The following TBC1D19 variants were observed in gnomAD, a reference collection of about 807,000 sequenced individuals.
TBC1D19 encodes TBC1 domain family member 19.
A neutral mutation model predicts 89.0 loss-of-function variants in TBC1D19; 60 were observed. The observed-to-expected ratio is 0.67, with a 90% CI of 0.55 to 0.84. The LOEUF (loss-of-function observed/expected upper bound fraction) is 0.84, where lower values mean the gene tolerates loss of function less well. Among genes scored for constraint, TBC1D19 ranks in the 40% least tolerant of loss-of-function variants. The pLI, the probability that TBC1D19 is intolerant of heterozygous loss-of-function variation, is 0.00. For missense variants in TBC1D19, 500 were observed against 610.8 expected, an observed-to-expected ratio of 0.82 and a Z score of 1.91; for synonymous variants, 189 against 199.7, an observed-to-expected ratio of 0.95 and a Z score of 0.45.
chr4:26,802,911 T>C, the TBC1D19 span, among the ~76,000 whole-genome samples: 3 of 152,210 alleles, frequency 2.0e-5, no homozygotes, highest in Non-Finnish European at 4.4e-5. Flanking sequence ...GAGGCCTCTT[T>C]TCCTGGCTTG....
the TBC1D19 span, among the ~76,000 whole-genome samples, chr4:26,842,592 C>CTTTA: frequency 1.0e-5 from 1 of 99,236 alleles, no homozygotes; most frequent in Non-Finnish European, 2.0e-5. Flanking sequence ...CCCTTTCTTT[C>CTTTA]TTTCTTTCTT....
intron 1 of TBC1D19, among the ~76,000 whole-genome samples, chr4:26,588,106 A>C (rs1739534355): frequency 6.6e-6 from 1 of 150,376 alleles, no homozygotes; most frequent in African/African-American, 2.5e-5. Context: ...GCTCACTGCA[A>C]GCTCCGCCTC....
At chr4:26,801,901 G>C in the TBC1D19 span, among the ~76,000 whole-genome samples, 1 of 152,152 alleles carries the variant, frequency 6.6e-6, no homozygotes, top group African/African-American at 2.4e-5. Context: ...GAAAAAATGA[G>C]AGAGATTGAT....
At chr4:26,604,099 T>C (rs1367598022) in intron 1 of TBC1D19, among the ~76,000 whole-genome samples, 1 of 152,154 alleles carries the variant, frequency 6.6e-6, no homozygotes, top group African/African-American at 2.4e-5. Context: ...CTTAGCCTGA[T>C]ATCATGAACG....
upstream of TBC1D19, among the ~76,000 whole-genome samples, chr4:26,583,258 T>C (rs1390058284): frequency 6.6e-6 from 1 of 152,176 alleles, no homozygotes; most frequent in Non-Finnish European, 1.5e-5. Context: ...ATAATTTAAG[T>C]CAGTTACTTT....
At chr4:26,626,996 G>T (rs947518955) in intron 4 of TBC1D19, among the ~76,000 whole-genome samples, 1 of 151,114 alleles carries the variant, frequency 6.6e-6, no homozygotes, top group Non-Finnish European at 1.5e-5. Flanking sequence ...CCATTAACTC[G>T]TCATTTAGCA....
chr4:26,823,318 G>A, the TBC1D19 span, among the ~76,000 whole-genome samples: 1 of 152,294 alleles, frequency 6.6e-6, no homozygotes, highest in African/African-American at 2.4e-5. Flanking sequence ...GGGCATTCAA[G>A]CTGAGATTTG....
chr4:26,814,685 C>G, the TBC1D19 span, among the ~76,000 whole-genome samples: 2 of 152,200 alleles, frequency 1.3e-5, no homozygotes, highest in Non-Finnish European at 2.9e-5. Flanking sequence ...CCTTCCAAAT[C>G]TTTAGCATTT....
chr4:26,796,402 A>G, the TBC1D19 span, among the ~76,000 whole-genome samples: 7 of 152,222 alleles, frequency 4.6e-5, no homozygotes, highest in Non-Finnish European at 1.0e-4. Context: ...ATCTTAGCAT[A>G]GTTTTCATCT....
the TBC1D19 span, among the ~76,000 whole-genome samples, chr4:26,822,902 C>T: frequency 6.6e-6 from 1 of 152,196 alleles, no homozygotes; most frequent in Non-Finnish European, 1.5e-5. Context: ...CCCACCCTTC[C>T]CCACCTTGAT....
At chr4:26,744,089 G>C (rs1306164022) in intron 18 of TBC1D19, among the ~76,000 whole-genome samples, 2 of 151,448 alleles carry the variant, frequency 1.3e-5, no homozygotes, top group Non-Finnish European at 3.0e-5. Flanking sequence ...AGGACTACTT[G>C]GGTTATCTAT....
chr4:26,577,096 A>G (rs1182206857), intron 1 of TBC1D19, among the ~76,000 whole-genome samples: 5 of 152,218 alleles, frequency 3.3e-5, no homozygotes, highest in Admixed American at 1.3e-4. Flanking sequence ...TCTTCCTTAA[A>G]GCTGGAACAT....
At position 26,721,498 on chromosome 4, in the gene TBC1D19, A is replaced by G. The variant is rs1577984059; in HGVS notation, c.1084+1373A>G. Among the ~76,000 whole-genome samples, 4 of 152,108 alleles carry G rather than the reference A, an allele frequency of 2.6e-5. No homozygotes were observed. In the South Asian group the frequency reaches 6.2e-4, roughly 24 times the overall value. ...GCCTTGTCTCCTTTCAGTTCTTACT[A>G]TCTCTAGCTTGTTAATTGCAACAAC... On this transcript the variant is annotated intron_variant, in intron 15 of 20. Transcript: ENST00000264866.
intron 4 of TBC1D19, among the ~76,000 whole-genome samples, chr4:26,622,683 A>T (rs1560424202): frequency 6.6e-6 from 1 of 152,216 alleles, no homozygotes; most frequent in African/African-American, 2.4e-5. Flanking sequence ...CTTGTGACAC[A>T]TGAAAACTAT....
At chr4:26,795,797 A>G in the TBC1D19 span, among the ~76,000 whole-genome samples, 2 of 152,228 alleles carry the variant, frequency 1.3e-5, no homozygotes, top group Non-Finnish European at 2.9e-5. Context: ...TAAGATAGCT[A>G]AGAGAAAATA....
chr4:26,668,047 A>G (rs955910434), intron 9 of TBC1D19, among the ~76,000 whole-genome samples: 7 of 151,990 alleles, frequency 4.6e-5, no homozygotes, highest in Non-Finnish European at 8.8e-5. Flanking sequence ...TCACAAAACT[A>G]GTAAGTGGTA....
intron 15 of TBC1D19, among the ~76,000 whole-genome samples, chr4:26,726,859 G>A (rs1717353441): frequency 6.6e-6 from 1 of 152,160 alleles, no homozygotes; most frequent in Non-Finnish European, 1.5e-5. Context: ...GTTAATATTT[G>A]GGGTATTTTC....
chr4:26,576,747 G>A (rs1240530509), exon 1 of TBC1D19: 2 of 456,166 alleles, frequency 4.4e-6, no homozygotes, highest in African/African-American at 4.0e-5. Context: ...ACTAGCAGAT[G>A]TCAGGGAGAT....
intron 4 of TBC1D19, among the ~76,000 whole-genome samples, chr4:26,632,296 C>T (rs1024007906): frequency 2.0e-5 from 3 of 151,766 alleles, no homozygotes; most frequent in African/African-American, 7.3e-5. Flanking sequence ...AACTTAACTA[C>T]TAATAGCCTA....
Sources: allele counts gnomAD v4.1 joint callset (sites outside exome capture counted in the v4.1 genomes callset), GRCh38; gene constraint gnomAD v4.1.1; transcripts MANE v1.5; gene names NCBI Gene and HGNC (gene_info 2026-07-23, HGNC 2026-07-21).